Variants in DGKB observed in about 807,000 individuals in gnomAD.
The protein encoded by DGKB is diacylglycerol kinase beta.
In DGKB, 67 loss-of-function variants were observed where a neutral mutation model predicts 114.3. The observed-to-expected ratio is 0.59, with a 90% CI of 0.48 to 0.72. The LOEUF is 0.72. DGKB is among the 30% of genes least tolerant of loss of function. DGKB has a pLI of 0.00. For missense variants in DGKB, 907 were observed against 975.2 expected, an observed-to-expected ratio of 0.93 and a Z score of 0.93; for synonymous variants, 398 against 323.1, an observed-to-expected ratio of 1.23 and a Z score of -2.49.
chr7:14,541,796 CAGTA>C (rs1793504289), intron 20 of DGKB, among the ~76,000 whole-genome samples: 1 of 152,288 alleles, frequency 6.6e-6, no homozygotes, highest in East Asian at 1.9e-4. Flanking sequence ...AATTTGACGT[CAGTA>C]AGTCAGACAA....
chr7:14,932,779 T>C (rs766690887), intron 1 of DGKB, among the ~76,000 whole-genome samples: 5 of 152,090 alleles, frequency 3.3e-5, no homozygotes, highest in Non-Finnish European at 7.4e-5. Context: ...CACCAGAAAC[T>C]AGGAGTTTAT....
chr7:14,605,767 T>G, intron 17 of DGKB, among the ~76,000 whole-genome samples: 1 of 152,192 alleles, frequency 6.6e-6, no homozygotes, highest in South Asian at 2.1e-4. Context: ...AAAACAGTCA[T>G]GTTTTTATTA....
intron 12 of DGKB, among the ~76,000 whole-genome samples, chr7:14,674,738 T>A (rs1033585686): frequency 6.6e-6 from 1 of 151,962 alleles, no homozygotes; most frequent in Admixed American, 6.6e-5. Context: ...TCTGATAACA[T>A]AGGTCGATAT....
intron 6 of DGKB, among the ~76,000 whole-genome samples, chr7:14,718,126 G>A (rs770951222): frequency 2.0e-5 from 3 of 152,134 alleles, no homozygotes; most frequent in Admixed American, 6.5e-5. Flanking sequence ...AGATTGCAAG[G>A]GAGATTTCCA....
chr7:14,571,981 G>A (rs1055131424), intron 20 of DGKB, among the ~76,000 whole-genome samples: 2 of 152,186 alleles, frequency 1.3e-5, no homozygotes, highest in South Asian at 2.1e-4. Context: ...ACAATTTTCA[G>A]TATTCAACAA....
intron 17 of DGKB, 113 bp downstream of exon 17, chr7:14,607,321 T>C (rs1339434991): frequency 4.9e-6 from 3 of 607,312 alleles, no homozygotes; most frequent in African/African-American, 2.0e-5. Flanking sequence ...TTCATTTTTA[T>C]GTACTAATAT....
At chr7:14,653,063 T>C (rs1814944005) in intron 13 of DGKB, among the ~76,000 whole-genome samples, 1 of 151,122 alleles carries the variant, frequency 6.6e-6, no homozygotes, top group African/African-American at 2.4e-5. Context: ...GGTGGGACTG[T>C]AAACTAGTTC....
At chr7:14,873,527 T>G (rs2128201178) in intron 1 of DGKB, among the ~76,000 whole-genome samples, 1 of 152,142 alleles carries the variant, frequency 6.6e-6, no homozygotes, top group African/African-American at 2.4e-5. Flanking sequence ...GAACATTAGA[T>G]TTTTATTTTG....
chr7:14,662,100 A>G (rs1817228667), intron 13 of DGKB, among the ~76,000 whole-genome samples: 1 of 152,094 alleles, frequency 6.6e-6, no homozygotes, highest in South Asian at 2.1e-4. Flanking sequence ...GATATACCTA[A>G]TGCTAGATGA....
intron 20 of DGKB, among the ~76,000 whole-genome samples, chr7:14,565,914 A>G (rs953625353): frequency 6.6e-6 from 1 of 151,928 alleles, no homozygotes; most frequent in African/African-American, 2.4e-5. Context: ...CCAGATTAAT[A>G]TTTTTTCTTC....
At chr7:14,854,028 C>T (rs1369849920) in intron 1 of DGKB, among the ~76,000 whole-genome samples, 1 of 152,148 alleles carries the variant, frequency 6.6e-6, no homozygotes, top group Non-Finnish European at 1.5e-5. Context: ...GCAGTAAGCT[C>T]CCTTTATTTC....
At chr7:14,364,351 G>A (rs1184996647) in intron 21 of DGKB, among the ~76,000 whole-genome samples, 2 of 151,292 alleles carry the variant, frequency 1.3e-5, no homozygotes, top group Non-Finnish European at 2.9e-5. Context: ...GCATTTTTGG[G>A]GATTACTGGC....
chr7:14,309,689 G>T (rs1280402742), intron 23 of DGKB, among the ~76,000 whole-genome samples: 4 of 152,212 alleles, frequency 2.6e-5, no homozygotes, highest in African/African-American at 7.2e-5. Flanking sequence ...ACAAAGGGTA[G>T]ATTTCTTATA....
rs569806092 is a variant in DGKB at position 14,887,152 on chromosome 7, C to A, written c.-188+15440G>T. Among the ~76,000 whole-genome samples the A allele has an allele frequency of 2.6e-5, 4 of 151,900 alleles. No homozygotes were observed. In the South Asian group the frequency reaches 8.3e-4, roughly 32 times the overall value. On this transcript the variant is annotated intron_variant, in intron 1 of 25. Coordinates refer to ENST00000402815, the MANE Select transcript of DGKB (RefSeq NM_001350709.2). ...TATATGTTTTCTCTCCACTTTAACACCAACAATTCACACTTTACCTGCCTC... is the reference window on the plus strand; with the variant it reads ...TATATGTTTTCTCTCCACTTTAACAACAACAATTCACACTTTACCTGCCTC...
intron 23 of DGKB, among the ~76,000 whole-genome samples, chr7:14,275,039 G>T (rs1013294356): frequency 3.3e-5 from 5 of 151,884 alleles, no homozygotes; most frequent in African/African-American, 7.3e-5. Context: ...TGTCCTAGAT[G>T]AAAGTATTTT....
At chr7:14,750,160 G>A (rs955665093) in intron 4 of DGKB, 2 of 518,172 alleles carry the variant, frequency 3.9e-6, no homozygotes, top group African/African-American at 3.9e-5. Flanking sequence ...GCTTCTAATT[G>A]ACACTGAAGA....
chr7:14,721,404 T>A (rs1257360135), intron 5 of DGKB, among the ~76,000 whole-genome samples: 1 of 152,184 alleles, frequency 6.6e-6, no homozygotes, highest in East Asian at 1.9e-4. Context: ...TTTGAAGGAA[T>A]ATGCTACTGT....
chr7:14,817,901 G>A (rs1844384089), intron 2 of DGKB, among the ~76,000 whole-genome samples: 1 of 151,392 alleles, frequency 6.6e-6, no homozygotes, highest in South Asian at 2.1e-4. Context: ...ACAAATTATG[G>A]CATGATGCTG....
intron 12 of DGKB, among the ~76,000 whole-genome samples, chr7:14,682,248 T>C (rs1247736526): frequency 6.6e-6 from 1 of 152,024 alleles, no homozygotes; most frequent in East Asian, 1.9e-4. Context: ...TTCTTATTGC[T>C]TACTCCTAGC....
Sources: allele counts gnomAD v4.1 joint callset (sites outside exome capture counted in the v4.1 genomes callset), GRCh38; gene constraint gnomAD v4.1.1; transcripts MANE v1.5; gene names NCBI Gene and HGNC (gene_info 2026-07-23, HGNC 2026-07-21).